Variants in PLSCR1 observed in about 807,000 individuals in gnomAD.
PLSCR1 encodes the protein phospholipid scramblase 1.
PLSCR1 carries 17 observed loss-of-function variants against 37.8 expected under a neutral mutation model. The ratio of observed to expected loss-of-function variants is 0.45; its 90% CI spans 0.31 to 0.68. The LOEUF (loss-of-function observed/expected upper bound fraction) is 0.68, where lower values mean the gene tolerates loss of function less well. Ranked by LOEUF, PLSCR1 falls within the 30% of genes least tolerant of loss-of-function variation. The probability of loss-of-function intolerance (pLI) is 0.06; values close to 1 mark genes in which losing one functional copy is unlikely to be tolerated. For synonymous variants in PLSCR1, 116 were observed against 125.9 expected (o/e 0.92, Z 0.53); for missense variants, 347 against 380.9 (o/e 0.91, Z 0.74).
Position 146,521,649 on chromosome 3 carries a change from G to C in PLSCR1, c.633C>G (p.His211Gln), listed in dbSNP as rs373452127. ...VPIGYVIQTW[H>Q]PCLPKFTIQN... ...GAATTGTAAACTTTGGTAGACATGG[G>C]TGCCAAGTCTGAATAACATAACCTA... Residue 211 changes from histidine (H) to glutamine (Q), a missense_variant, in exon 7 of 9, where the codon CAC becomes CAG. By Grantham distance (24) the His-to-Gln change is conservative. Coordinates refer to ENST00000342435, the MANE Select transcript of PLSCR1 (RefSeq NM_021105.3). 6.2e-7 allele frequency: 1 copy of C among 1,612,780 alleles called. No individual in the cohort carries two copies. The highest frequency in any genetic ancestry group is 1.1e-5 in the South Asian group (1 of 91,042).
At chr3:146,528,924 T>C (rs2044157790) in intron 3 of PLSCR1, 93 bp from the exon 4 acceptor site, 1 of 840,106 alleles carries the variant, frequency 1.2e-6, no homozygotes, top group Admixed American at 2.7e-5. Context: ...TAAGTTGACA[T>C]TTCAGCGTAG....
At chr3:146,529,333 TC>T (rs1329751225) in intron 3 of PLSCR1, among the ~76,000 whole-genome samples, 1 of 152,084 alleles carries the variant, frequency 6.6e-6, no homozygotes, top group Non-Finnish European at 1.5e-5. Flanking sequence ...TTTGACAAGA[TC>T]TGCAGACTTT....
chr3:146,516,322 C>T, intron 8 of PLSCR1: 2 of 371,948 alleles, frequency 5.4e-6, no homozygotes, highest in Non-Finnish European at 9.5e-6. Context: ...TTATTGATAC[C>T]TGTATGAATT....
chr3:146,530,042 T>C (rs1454661518), intron 3 of PLSCR1, among the ~76,000 whole-genome samples: 1 of 152,186 alleles, frequency 6.6e-6, no homozygotes, highest in African/African-American at 2.4e-5. Context: ...GAGGCAGAAA[T>C]TTAATAACAG....
rs1004376816 is a variant in PLSCR1 at position 146,528,761 on chromosome 3, A to T, written c.165T>A (p.Gly55=). Residue 55 remains glycine (G), a synonymous_variant, in exon 4 of 9, where the codon GGT becomes GGA. Coordinates refer to ENST00000342435, the MANE Select transcript of PLSCR1 (RefSeq NM_021105.3). Reference sequence around the variant, plus strand: ...GGACAGGAAAGCCAGCTGGGCCAGGACCTGAATGGCCGGCTGGTGGGGGTG... The same window carrying T: ...GGACAGGAAAGCCAGCTGGGCCAGGTCCTGAATGGCCGGCTGGTGGGGGTG... ...SYPPPPAGHS[G]PGPAGFPVPN... The T allele has an allele frequency of 5.0e-6, 8 of 1,614,080 alleles. No individual in the cohort carries two copies. In the African/African-American group the frequency reaches 6.7e-5, roughly 13 times the overall value.
Position 146,528,752 on chromosome 3 carries a change from T to C in PLSCR1, c.174A>G (p.Pro58=), listed in dbSNP as rs765789322. The C allele has an allele frequency of 6.2e-7, 1 of 1,614,146 alleles. No homozygotes were observed. The highest frequency in any genetic ancestry group is 1.1e-5 in the South Asian group (1 of 91,086). ...GCTGATTTGGGACAGGAAAGCCAGC[T>C]GGGCCAGGACCTGAATGGCCGGCTG... ...PPPAGHSGPG[P]AGFPVPNQPV... The change falls in exon 4 of 9, where the codon CCA becomes CCG. Residue 58 remains proline (P), a synonymous_variant. Coordinates refer to ENST00000342435, the MANE Select transcript of PLSCR1 (RefSeq NM_021105.3).
intron 7 of PLSCR1, among the ~76,000 whole-genome samples, chr3:146,520,607 G>A (rs1265940530): frequency 6.6e-6 from 1 of 152,052 alleles, no homozygotes; most frequent in East Asian, 1.9e-4. Context: ...ATGGGGGAAA[G>A]GATTCATCTT....
intron 5 of PLSCR1, among the ~76,000 whole-genome samples, chr3:146,524,392 A>G (rs2044075598): frequency 6.6e-6 from 1 of 152,050 alleles, no homozygotes; most frequent in South Asian, 2.1e-4. Context: ...TATACCACTC[A>G]TGAAAAAATA....
At chr3:146,525,426 C>T in intron 5 of PLSCR1, 179 bp downstream of exon 5, 1 of 541,168 alleles carries the variant, frequency 1.8e-6, no homozygotes, top group East Asian at 3.6e-5. Flanking sequence ...AACATAACAG[C>T]ATTTTACCTT....
At chr3:146,516,970 A>T in intron 8 of PLSCR1, 36 bp downstream of exon 8, 1 of 1,284,730 alleles carries the variant, frequency 7.8e-7, no homozygotes, top group South Asian at 1.4e-5. Context: ...ACCTAGAGAA[A>T]GCATCTATAA....
At chr3:146,526,981 T>C (rs1469864853) in intron 4 of PLSCR1, among the ~76,000 whole-genome samples, 1 of 152,080 alleles carries the variant, frequency 6.6e-6, no homozygotes, top group East Asian at 1.9e-4. Flanking sequence ...CTACTAAAAA[T>C]ACAAAAATGA....
At chr3:146,538,887 A>G (rs948420809) in intron 1 of PLSCR1, among the ~76,000 whole-genome samples, 3 of 152,148 alleles carry the variant, frequency 2.0e-5, no homozygotes, top group Admixed American at 6.5e-5. Context: ...CCAGAAATAA[A>G]GGATGTGCTG....
At chr3:146,523,975 A>G (rs995241417) in intron 5 of PLSCR1, among the ~76,000 whole-genome samples, 2 of 152,218 alleles carry the variant, frequency 1.3e-5, no homozygotes, top group Non-Finnish European at 2.9e-5. Context: ...CTATGTGGAA[A>G]GACTCTGAGT....
At chr3:146,526,879 C>A (rs566499942) in intron 4 of PLSCR1, among the ~76,000 whole-genome samples, 181 of 152,224 alleles carry the variant, frequency 1.2e-3, no homozygotes, top group Non-Finnish European at 2.1e-3. Context: ...CAGTGGTTCA[C>A]GACTGTAATC....
chr3:146,519,198 A>C (rs549254366), intron 7 of PLSCR1, among the ~76,000 whole-genome samples: 3 of 152,272 alleles, frequency 2.0e-5, no homozygotes, highest in African/African-American at 7.2e-5. Context: ...ATGGGTTTCA[A>C]ACCTGGGCAT....
At chr3:146,521,340 T>C (rs1358717920) in intron 7 of PLSCR1, among the ~76,000 whole-genome samples, 2 of 152,166 alleles carry the variant, frequency 1.3e-5, no homozygotes, top group African/African-American at 4.8e-5. Flanking sequence ...GTCTGCTTCT[T>C]TTTTTTCCAT....
At chr3:146,523,254 G>A (rs1378530742) in intron 5 of PLSCR1, among the ~76,000 whole-genome samples, 1 of 152,210 alleles carries the variant, frequency 6.6e-6, no homozygotes, top group Non-Finnish European at 1.5e-5. Context: ...CTGGAAACAA[G>A]TTATATTTTC....
intron 5 of PLSCR1, among the ~76,000 whole-genome samples, chr3:146,524,603 T>A (rs2044080863): frequency 1.3e-5 from 2 of 152,120 alleles, no homozygotes; most frequent in Non-Finnish European, 2.9e-5. Flanking sequence ...GTTATATGTC[T>A]GTTTGGATTT....
In PLSCR1 at chr3:146,516,064, T is replaced by C. The variant is rs753912390; in HGVS notation, c.938A>G (p.Gln313Arg). ...AATCCACTACCACACTCCTGATTTTTGTTCCTGGCTGCCAGTGCTTTCAAA... is the reference window on the plus strand; with the variant it reads ...AATCCACTACCACACTCCTGATTTTCGTTCCTGGCTGCCAGTGCTTTCAAA... ...MFFESTGSQE[Q>R]KSGVW The change falls in exon 9 of 9, where the codon CAA (glutamine) becomes CGA (arginine). Residue 313 changes from glutamine to arginine, a missense_variant. Transcript: ENST00000342435. 10 of 1,609,512 alleles carry C rather than the reference T, an allele frequency of 6.2e-6. No individual in the cohort carries two copies. Among genetic ancestry groups the C allele is most frequent in the Non-Finnish European group, 5.1e-6 (6 of 1,176,842 alleles).
Sources: gnomAD v4.1 joint callset for allele counts (sites outside exome capture counted in the v4.1 genomes callset) on GRCh38, gnomAD v4.1.1 for gene constraint, MANE v1.5 for transcripts, NCBI Gene and HGNC (gene_info 2026-07-23, HGNC 2026-07-21) for gene names.